Variants in IQSEC1 observed in about 807,000 individuals in gnomAD.
IQSEC1 encodes IQ motif and SEC7 domain-containing protein 1.
IQSEC1 carries 31 observed loss-of-function variants against 91.0 expected under a neutral mutation model. That is an observed-to-expected ratio of 0.34 (90% confidence interval 0.26 to 0.46). The LOEUF is 0.46. Ranked by LOEUF, IQSEC1 falls within the 20% of genes least tolerant of loss-of-function variation. The pLI is 1.00. For synonymous variants in IQSEC1, 699 were observed against 662.6 expected, an observed-to-expected ratio of 1.05 and a Z score of -0.84; for missense variants, 1,388 against 1,575.6, an observed-to-expected ratio of 0.88 and a Z score of 2.02.
intron 1 of IQSEC1, among the ~76,000 whole-genome samples, chr3:13,057,543 G>A (rs1704920835): frequency 6.6e-6 from 1 of 152,182 alleles, no homozygotes. Context: ...ACATGCACAC[G>A]GGCTCTTCCA....
intron 12 of IQSEC1, among the ~76,000 whole-genome samples, chr3:12,906,065 C>T (rs1694946614): frequency 6.6e-6 from 1 of 152,338 alleles, no homozygotes; most frequent in East Asian, 1.9e-4. Flanking sequence ...CTGCAGTCTC[C>T]TGAGGATGGG....
intron 1 of IQSEC1, among the ~76,000 whole-genome samples, chr3:13,255,269 G>A (rs1695266730): frequency 6.6e-6 from 1 of 152,192 alleles, no homozygotes; most frequent in African/African-American, 2.4e-5. Flanking sequence ...CTTCGGTGCT[G>A]CAGCCAGGGG....
chr3:13,218,753 G>A (rs1460130579), intron 1 of IQSEC1, among the ~76,000 whole-genome samples: 1 of 152,174 alleles, frequency 6.6e-6, no homozygotes, highest in Non-Finnish European at 1.5e-5. Flanking sequence ...TGCAGGCAAT[G>A]GGGGAGCCAT....
At chr3:13,089,255 G>A (rs1030916432) in intron 2 of IQSEC1, among the ~76,000 whole-genome samples, 1 of 152,248 alleles carries the variant, frequency 6.6e-6, no homozygotes, top group Non-Finnish European at 1.5e-5. Flanking sequence ...AATGCGATCT[G>A]TCCATACTAT....
chr3:12,953,419 C>G (rs1001191618), intron 1 of IQSEC1, among the ~76,000 whole-genome samples: 5 of 152,234 alleles, frequency 3.3e-5, no homozygotes, highest in African/African-American at 1.2e-4. Context: ...CGATAAGGCC[C>G]GGCCCAGGTC....
chr3:13,272,767 G>A (rs545492882), intron 1 of IQSEC1, among the ~76,000 whole-genome samples: 4 of 152,182 alleles, frequency 2.6e-5, no homozygotes, highest in African/African-American at 9.6e-5. Context: ...CTTTTTTGTC[G>A]GGGAGGCCCT....
intron 1 of IQSEC1, among the ~76,000 whole-genome samples, chr3:12,942,328 C>T (rs919368093): frequency 2.6e-5 from 4 of 152,192 alleles, no homozygotes; most frequent in Admixed American, 6.5e-5. Context: ...AAAGGCCGGG[C>T]GCGGTGGCTC....
chr3:13,267,986 C>T (rs563114583), intron 1 of IQSEC1, among the ~76,000 whole-genome samples: 2 of 152,366 alleles, frequency 1.3e-5, no homozygotes, highest in Non-Finnish European at 1.5e-5. Context: ...GATCCACCCA[C>T]ATCCTCAGTC....
At chr3:13,171,112 A>AC (rs1553571274) in intron 1 of IQSEC1, among the ~76,000 whole-genome samples, 158 of 151,252 alleles carry the variant, frequency 1.0e-3, no homozygotes, top group African/African-American at 1.7e-3. Flanking sequence ...AAAAACAAAA[A>AC]AAACAAAAAA....
intron 1 of IQSEC1, among the ~76,000 whole-genome samples, chr3:13,246,807 G>T (rs138195979): frequency 1.3e-5 from 2 of 152,116 alleles, no homozygotes; most frequent in Non-Finnish European, 2.9e-5. Context: ...CTCCCTGCAC[G>T]GACCGGGCAG....
rs2125303530 is a variant in IQSEC1, at chr3:12,935,427, G to A, written c.1568+21C>T. The A allele has an allele frequency of 6.3e-7, 1 of 1,592,810 alleles. No individual in the cohort carries two copies. The highest frequency in any genetic ancestry group is 8.6e-7 in the Non-Finnish European group (1 of 1,165,304). ...AGCAAGCCACAGCTGCCCACCCTGA[G>A]GGGTCACCCATGGTACTCACTTGTT... is the stretch of plus-strand genomic sequence containing the variant. On this transcript the variant is annotated intron_variant, in intron 3 of 13. Transcript: ENST00000613206. This position sits in a 1 kb window ranked among gnomAD's most constrained non-coding sequence, Gnocchi z 8.0.
chr3:13,270,740 G>A (rs1455128085), intron 1 of IQSEC1, among the ~76,000 whole-genome samples: 1 of 152,114 alleles, frequency 6.6e-6, no homozygotes, highest in Non-Finnish European at 1.5e-5. Flanking sequence ...GAAGAAAATA[G>A]ATATAAGATG....
chr3:12,897,839 T>G lies in IQSEC1; in HGVS notation c.*3144A>C, dbSNP rs925835220. The G allele has an allele frequency of 1.3e-5, 2 of 152,220 alleles. No individual in the cohort carries two copies. The highest frequency in any genetic ancestry group is 4.8e-5 in the African/African-American group (2 of 41,458). 9.4% of individuals were successfully genotyped at this position (152,220 alleles called of 1,614,324 possible). A position where few individuals can be genotyped will look rare whatever the true frequency, so the allele number is the denominator to read the frequency against. On this transcript the variant is annotated 3_prime_UTR_variant, in exon 14 of 14. Coordinates refer to ENST00000613206, the MANE Select transcript of IQSEC1 (RefSeq NM_001134382.3). ...ATGCAGTGTGTGAGGGAAAGATCAC[T>G]GCACTGGGTGCTGAAGACATTTTTA...
chr3:13,279,509 C>T (rs868737552), intron 1 of IQSEC1, among the ~76,000 whole-genome samples: 2 of 152,214 alleles, frequency 1.3e-5, no homozygotes, highest in South Asian at 2.1e-4. Context: ...TGTACACTTC[C>T]GGCACGCAAA....
At chr3:13,170,878 T>A (rs1169061434) in intron 1 of IQSEC1, among the ~76,000 whole-genome samples, 3 of 152,142 alleles carry the variant, frequency 2.0e-5, no homozygotes, top group African/African-American at 7.2e-5. Context: ...GGTGGGTGGA[T>A]CACGAGGTCA....
intron 1 of IQSEC1, among the ~76,000 whole-genome samples, chr3:13,263,925 T>C (rs1576315250): frequency 6.6e-6 from 1 of 152,174 alleles, no homozygotes; most frequent in Non-Finnish European, 1.5e-5. Context: ...GACAAGAAAG[T>C]CTGCTGGCCC....
chr3:13,282,257 C>T lies in IQSEC1; in HGVS notation c.272+454G>A, dbSNP rs1028922019. Among the ~76,000 whole-genome samples, 1 of 152,214 alleles carries T rather than the reference C, an allele frequency of 6.6e-6. No individual in the cohort carries two copies. Among genetic ancestry groups the T allele is most frequent in the African/African-American group, 2.4e-5 (1 of 41,468 alleles). On this transcript the variant is annotated intron_variant, in intron 1 of 15. Coordinates refer to the IQSEC1 transcript ENST00000648114. The surrounding 1 kb of genome is among the most constrained non-coding windows in gnomAD (Gnocchi z 6.4). ...TTCCAGGGACACCGCAACCCGCAAG[C>T]GACCCAGGCCCGCTCCAGGGCGGGA... is the stretch of plus-strand genomic sequence containing the variant.
chr3:13,232,786 C>T (rs1172066357), intron 1 of IQSEC1, among the ~76,000 whole-genome samples: 1 of 152,228 alleles, frequency 6.6e-6, no homozygotes, highest in Non-Finnish European at 1.5e-5. Context: ...GTGGTCTATA[C>T]ACACCTTGGA....
At position 13,103,799 on chromosome 3, in the gene IQSEC1, G is replaced by T. The variant is rs62232958; in HGVS notation, c.303-56277C>A. Among the ~76,000 whole-genome samples, 1 of 152,134 alleles carries T rather than the reference G, an allele frequency of 6.6e-6. No homozygotes were observed. The highest frequency in any genetic ancestry group is 1.9e-4 in the East Asian group (1 of 5,184). ...CTACCACCCTACGAGGGCAGGGGCT[G>T]TGTCTGCCTCCATCACTGCTCTCTC... On this transcript the variant is annotated intron_variant, in intron 2 of 15. Coordinates refer to the IQSEC1 transcript ENST00000648114. This position sits in a 1 kb window ranked among gnomAD's most constrained non-coding sequence, Gnocchi z 4.1.
Sources: allele counts gnomAD v4.1 joint callset (sites outside exome capture counted in the v4.1 genomes callset), GRCh38; gene constraint gnomAD v4.1.1; non-coding constraint Gnocchi (gnomAD v3.1); transcripts MANE v1.5; gene names NCBI Gene and HGNC (gene_info 2026-07-23, HGNC 2026-07-21).